Variants in CGGBP1 observed in about 807,000 individuals in gnomAD.
CGGBP1 encodes CGG triplet repeat-binding protein 1.
Under a neutral mutation model 11.4 loss-of-function variants are expected in CGGBP1, and 4 were observed. The observed-to-expected ratio is 0.35, with a 90% CI of 0.17 to 0.80. The LOEUF is 0.80. Among genes scored for constraint, CGGBP1 ranks in the 30% least tolerant of loss-of-function variants. CGGBP1 has a pLI of 0.52. For missense variants in CGGBP1, 135 were observed against 202.1 expected (o/e 0.67, Z 2.01); for synonymous variants, 76 against 74.1 (o/e 1.03, Z -0.13).
intron 2 of CGGBP1, among the ~76,000 whole-genome samples, chr3:88,100,726 GC>G (rs1346606289): frequency 1.3e-5 from 2 of 151,726 alleles, no homozygotes; most frequent in African/African-American, 4.8e-5. Context: ...ACCAAACACC[GC>G]CATGTTCTCA....
chr3:88,084,081 T>G (rs1244561687), intron 2 of CGGBP1, among the ~76,000 whole-genome samples: 1 of 152,192 alleles, frequency 6.6e-6, no homozygotes, highest in Non-Finnish European at 1.5e-5. Context: ...TTTGTTTATG[T>G]CCCTTTCAGG....
At chr3:88,133,166 A>G (rs1317571078) in intron 2 of CGGBP1, among the ~76,000 whole-genome samples, 2 of 152,098 alleles carry the variant, frequency 1.3e-5, no homozygotes, top group Non-Finnish European at 2.9e-5. Flanking sequence ...CTGAATTAAT[A>G]TCTGAAGGGG....
Position 88,056,010 on chromosome 3 carries a change from A to G in CGGBP1, c.-23-11T>C, listed in dbSNP as rs775418057. On this transcript the variant is annotated splice_polypyrimidine_tract_variant and intron_variant, in intron 3 of 3. Coordinates refer to ENST00000482016, the MANE Select transcript of CGGBP1 (RefSeq NM_001008390.2). ...TAAATAAATATGGTTCTTTCAAGAC[A>G]AAAGAAACAAAGATGAGTATTATAA... The G allele has an allele frequency of 6.4e-7, 1 of 1,550,512 alleles. No individual in the cohort carries two copies. Among genetic ancestry groups the G allele is most frequent in the South Asian group, 1.2e-5 (1 of 81,526 alleles).
intron 2 of CGGBP1, chr3:88,086,176 C>G: frequency 7.7e-7 from 1 of 1,305,404 alleles, no homozygotes; most frequent in South Asian, 1.4e-5. Context: ...TTTAATTTAT[C>G]CAGTAACTTT....
At chr3:88,059,197 G>T, upstream of CGGBP1, 2 of 1,440,230 alleles carry the variant, frequency 1.4e-6, no homozygotes, top group Admixed American at 2.8e-5. Flanking sequence ...CAGCCGAGAG[G>T]CCCCTGTCCG....
intron 2 of CGGBP1, 35 bp from the exon 3 acceptor site, chr3:88,057,327 T>C (rs1447192476): frequency 1.6e-5 from 2 of 125,780 alleles, no homozygotes; most frequent in African/African-American, 5.5e-5. Context: ...TTTTAATAAA[T>C]TTTATTTTTT....
At chr3:88,061,293 T>G (rs201023440), upstream of CGGBP1, among the ~76,000 whole-genome samples, 1 of 152,290 alleles carries the variant, frequency 6.6e-6, no homozygotes, top group East Asian at 1.9e-4. Flanking sequence ...AATGACAAAT[T>G]TAGCCTGCAA....
rs1443520670 is a variant in CGGBP1, at chr3:88,052,899, T to C, written c.*2574A>G. The C allele has an allele frequency of 1.3e-5, 2 of 152,602 alleles. No homozygotes were observed. The highest frequency in any genetic ancestry group is 1.9e-4 in the East Asian group (1 of 5,204). The allele number at this position is 152,602 out of a possible 1,614,324, so 9.5% of individuals were successfully genotyped here. On this transcript the variant is annotated 3_prime_UTR_variant, in exon 4 of 4. Transcript: ENST00000482016. ...GAACATTTCAACAAGCTAGGAAATA[T>C]TTACTGTAAGCATATTGTGAAATTC...
chr3:88,092,610 A>G (rs963183530), intron 2 of CGGBP1, among the ~76,000 whole-genome samples: 1 of 152,206 alleles, frequency 6.6e-6, no homozygotes, highest in Non-Finnish European at 1.5e-5. Context: ...TATATTTATT[A>G]TCTGTTTTTA....
At chr3:88,141,343 T>TC (rs5850831) in intron 1 of CGGBP1, among the ~76,000 whole-genome samples, 118,994 of 151,896 alleles carry the variant, frequency 0.78, 47,532 homozygotes, top group South Asian at 0.91. Context: ...TTATACTTCT[T>TC]CACTGTATCA....
At chr3:88,102,474 A>G (rs1432998661) in intron 2 of CGGBP1, among the ~76,000 whole-genome samples, 1 of 152,156 alleles carries the variant, frequency 6.6e-6, no homozygotes, top group Non-Finnish European at 1.5e-5. Flanking sequence ...CATTTCAGAC[A>G]TTTTATTTTT....
rs556895235 is a variant in CGGBP1, at chr3:88,137,135, C to T, written c.-229+3835G>A. On this transcript the variant is annotated intron_variant, in intron 2 of 3. Coordinates refer to the CGGBP1 transcript ENST00000462901. ...GCTTGAACCCGGGAGGCAGAGGTTG[C>T]AGTGAGCTGAGATCATGCCATTCTA... 5.6e-5 allele frequency among the ~76,000 whole-genome samples: 7 copies of T among 125,374 alleles called. No homozygotes were observed. In the South Asian group the frequency reaches 1.3e-3, roughly 23 times the overall value. 82.3% of individuals were successfully genotyped at this position (125,374 alleles called of 152,430 possible). A position where few individuals can be genotyped will look rare whatever the true frequency, so the allele number is the denominator to read the frequency against.
Position 88,099,905 on chromosome 3 carries a change from T to C in CGGBP1, c.-229+41065A>G, listed in dbSNP as rs545860425. ...AACGTAGGCAATACCATTGAGGACA[T>C]AGGCATGGGCAAGGACTTCATGACT... is the stretch of plus-strand genomic sequence containing the variant. On this transcript the variant is annotated intron_variant, in intron 2 of 3. Transcript: ENST00000462901. Among the ~76,000 whole-genome samples, 5 of 152,318 alleles carry C rather than the reference T, an allele frequency of 3.3e-5. No homozygotes were observed. In the East Asian group the frequency reaches 9.6e-4, roughly 29 times the overall value.
At chr3:88,071,868 T>TA (rs1252674963) in intron 2 of CGGBP1, among the ~76,000 whole-genome samples, 1 of 152,210 alleles carries the variant, frequency 6.6e-6, no homozygotes, top group Non-Finnish European at 1.5e-5. Context: ...GTACTGTACT[T>TA]TTAAGACTTT....
intron 2 of CGGBP1, among the ~76,000 whole-genome samples, chr3:88,088,761 T>TGG (rs1559701696): frequency 0.26 from 33,323 of 126,110 alleles, 4,469 homozygotes; most frequent in South Asian, 0.37. Context: ...TGTATGTATG[T>TGG]ATGGATGGAT....
intron 2 of CGGBP1, among the ~76,000 whole-genome samples, chr3:88,096,893 GA>G (rs1200749817): frequency 2.0e-5 from 3 of 151,844 alleles, no homozygotes; most frequent in Non-Finnish European, 4.4e-5. Flanking sequence ...GCATATATAA[GA>G]AAAAAACCTC....
In CGGBP1 at chr3:88,058,832, C is replaced by T. The variant is rs144167335; in HGVS notation, c.-348G>A. On this transcript the variant is annotated 5_prime_UTR_variant, in exon 1 of 4. Coordinates refer to ENST00000482016, the MANE Select transcript of CGGBP1 (RefSeq NM_001008390.2). The stretch of plus-strand genomic sequence containing the variant: ...CTTGGTACCGTAGGATCGAGGCCGC[C>T]GTTAGGGAAAGTGGACGAGGCCCGG... The T allele has an allele frequency of 1.4e-3, 213 of 155,646 alleles. 4 individuals carry two copies. The highest frequency in any genetic ancestry group is 4.8e-3 in the African/African-American group (201 of 41,630). 9.6% of individuals were successfully genotyped at this position (155,646 alleles called of 1,614,324 possible). A position where few individuals can be genotyped will look rare whatever the true frequency, so the allele number is the denominator to read the frequency against.
intron 2 of CGGBP1, among the ~76,000 whole-genome samples, chr3:88,130,563 G>A (rs1171189053): frequency 2.0e-5 from 3 of 150,806 alleles, no homozygotes; most frequent in Middle Eastern, 3.2e-3. Context: ...TGATTTTCCC[G>A]CCTCAGCCTC....
rs538815589 is a variant in CGGBP1, at chr3:88,139,129, A to C, written c.-229+1841T>G. The C allele has an allele frequency of 1.6e-5, 20 of 1,285,828 alleles. No individual in the cohort carries two copies. In the South Asian group the frequency reaches 4.9e-4, roughly 32 times the overall value. The allele number at this position is 1,285,828 out of a possible 1,614,324, so 79.7% of individuals were successfully genotyped here. A position where few individuals can be genotyped will look rare whatever the true frequency, so the allele number is the denominator to read the frequency against. On this transcript the variant is annotated intron_variant, in intron 2 of 3. Transcript: ENST00000462901. ...CTGGAAAATAATGCAGGTAATCTAA[A>C]AAGGACGGAGGAACAGCAAGGTTTG...
Sources: gnomAD v4.1 joint callset for allele counts (sites outside exome capture counted in the v4.1 genomes callset) on GRCh38, gnomAD v4.1.1 for gene constraint, MANE v1.5 for transcripts, NCBI Gene and HGNC (gene_info 2026-07-23, HGNC 2026-07-21) for gene names.